SLC4A2: variants seen among roughly 807,000 people sequenced by gnomAD.
SLC4A2 encodes the protein solute carrier family 4 member 2, also known as anion exchange protein 2.
In SLC4A2, 36 loss-of-function variants were observed where a neutral mutation model predicts 115.0. That is an observed-to-expected ratio of 0.31 (90% CI 0.24 to 0.41). The LOEUF (loss-of-function observed/expected upper bound fraction) is 0.41. Among genes scored for constraint, SLC4A2 ranks in the 10% least tolerant of loss-of-function variants. The pLI is 1.00. For synonymous variants in SLC4A2, 708 were observed against 708.3 expected (o/e 1.00, Z 0.01); for missense variants, 1,252 against 1,705.6 (o/e 0.73, Z 4.68).
rs753919073 is a variant in SLC4A2 at position 151,070,466 on chromosome 7, C to G, written c.1459C>G (p.Pro487Ala). 5.6e-6 allele frequency: 9 copies of G among 1,612,050 alleles called. No individual in the cohort carries two copies. Among genetic ancestry groups the G allele is most frequent in the African/African-American group, 1.3e-5 (1 of 74,858 alleles). The change falls in exon 11 of 23, where the codon CCG (proline) becomes GCG (alanine). Residue 487 changes from proline (P) to alanine (A), a missense_variant. Pro to Ala is a conservative substitution (Grantham distance 27, BLOSUM62 -1). Transcript: ENST00000413384. ...TGTCTGTGTCCCCCAGCGTGAGCTGCCGCCTCCAGCACCACCAGCTGGCAT... is the reference window on the plus strand; with the variant it reads ...TGTCTGTGTCCCCCAGCGTGAGCTGGCGCCTCCAGCACCACCAGCTGGCAT... ...RLEVEREREL[P>A]PPAPPAGITR...
At chr7:151,066,316 G>C (rs1797229500) in intron 5 of SLC4A2, among the ~76,000 whole-genome samples, 1 of 152,254 alleles carries the variant, frequency 6.6e-6, no homozygotes, top group Non-Finnish European at 1.5e-5. Context: ...TGCACAGCCA[G>C]AAAAGGGTGG....
upstream of SLC4A2, chr7:151,059,042 T>C (rs1185451493): frequency 6.6e-6 from 1 of 152,180 alleles, no homozygotes; most frequent in East Asian, 1.9e-4. The surrounding 1 kb of genome is among the most constrained non-coding windows in gnomAD (Gnocchi z 5.8). Flanking sequence ...CACACAAAGG[T>C]CTTGAATGAT....
chr7:151,071,038 T>C lies in SLC4A2; in HGVS notation c.1750-34T>C, dbSNP rs1797417846. 1 of 1,609,342 alleles carries C rather than the reference T, an allele frequency of 6.2e-7. No individual in the cohort carries two copies. The highest frequency in any genetic ancestry group is 8.5e-7 in the Non-Finnish European group (1 of 1,177,538). ...GCTCCAGGCCCTCAGCCCTCTTCTTTGTGCTCTCCCCCATCCCCATGCTGC... is the reference window on the plus strand; with the variant it reads ...GCTCCAGGCCCTCAGCCCTCTTCTTCGTGCTCTCCCCCATCCCCATGCTGC... On this transcript the variant is annotated intron_variant, in intron 12 of 22. Transcript: ENST00000413384. This position sits in a 1 kb window ranked among gnomAD's most constrained non-coding sequence, Gnocchi z 5.5.
chr7:151,064,214 A>G lies in SLC4A2; in HGVS notation c.64A>G (p.Ser22Gly). 1 of 1,612,140 alleles carries G rather than the reference A, an allele frequency of 6.2e-7. No homozygotes were observed. The highest frequency in any genetic ancestry group is 2.2e-5 in the East Asian group (1 of 44,878). ...ADSFCTPEPE[S>G]LGPGTPGFPE... is the part of the protein sequence containing the mutation. ...TTCTTCCTCACAGCCAGAGCCAGAG[A>G]GCTTGGGCCCTGGGACGCCTGGGTT... Residue 22 changes from serine (S) to glycine (G), a missense_variant, in exon 3 of 23, where the codon AGC (serine) becomes GGC (glycine). This residue lies in a region of SLC4A2 where 74 missense variants were observed against 85.3 expected (regional missense o/e 0.87). Transcript: ENST00000413384.
chr7:151,062,601 G>A (rs1452390451), intron 2 of SLC4A2: 1 of 1,500,474 alleles, frequency 6.7e-7, no homozygotes. Context: ...GCACAGGCTG[G>A]TCCCCTCCCC....
chr7:151,062,685 C>A, intron 2 of SLC4A2: 1 of 1,501,896 alleles, frequency 6.7e-7, no homozygotes, highest in Non-Finnish European at 8.9e-7. Context: ...CTGCGACCCT[C>A]TCTCCCCATG....
At position 151,069,846 on chromosome 7, in the gene SLC4A2, C is replaced by G. The variant is rs11971721; in HGVS notation, c.1148-101C>G. ...CATGTGTAGGCTGGTGTTCCAGCCCCGGCACCCACCCACCTGTCCCCAGCT... is the reference window on the plus strand; with the variant it reads ...CATGTGTAGGCTGGTGTTCCAGCCCGGGCACCCACCCACCTGTCCCCAGCT... On this transcript the variant is annotated intron_variant, in intron 8 of 22. Coordinates refer to ENST00000413384, the MANE Select transcript of SLC4A2 (RefSeq NM_003040.4). 2.8e-6 allele frequency: 4 copies of G among 1,444,766 alleles called. No individual in the cohort carries two copies. The East Asian group carries it at 9.2e-5, about 33-fold the overall frequency. 89.5% of individuals were successfully genotyped at this position (1,444,766 alleles called of 1,614,324 possible). A position where few individuals can be genotyped will look rare whatever the true frequency, so the allele number is the denominator to read the frequency against.
chr7:151,073,981 C>T, intron 16 of SLC4A2, 58 bp from the exon 17 acceptor site: 1 of 1,507,698 alleles, frequency 6.6e-7, no homozygotes, highest in Non-Finnish European at 8.9e-7. Context: ...ACTCACTGAG[C>T]CCCAGGAATC....
chr7:151,065,794 C>T (rs1797208507), intron 5 of SLC4A2, among the ~76,000 whole-genome samples: 1 of 152,112 alleles, frequency 6.6e-6, no homozygotes, highest in Non-Finnish European at 1.5e-5. Flanking sequence ...GTTTGTGGGC[C>T]AGGGCACGTG....
At chr7:151,075,910 G>GTACCAACCCA (rs1290775190) in intron 21 of SLC4A2, 103 bp from the exon 22 acceptor site, 47 of 1,437,966 alleles carry the variant, frequency 3.3e-5, no homozygotes, top group Non-Finnish European at 4.4e-5. Context: ...ACCCAGCTCT[G>GTACCAACCCA]GCACCTAGGA....
At chr7:151,072,388 TTCA>T (rs1797471333) in intron 16 of SLC4A2, among the ~76,000 whole-genome samples, 1 of 151,844 alleles carries the variant, frequency 6.6e-6, no homozygotes, top group Admixed American at 6.6e-5. Context: ...GCCTCCTGGG[TTCA>T]AGCGATTTTC....
chr7:151,065,166 G>A (rs549939089), intron 5 of SLC4A2, among the ~76,000 whole-genome samples, 200 bp downstream of exon 5: 10 of 152,322 alleles, frequency 6.6e-5, no homozygotes, highest in African/African-American at 1.9e-4. Flanking sequence ...ATAACAGAAC[G>A]TTTCTCACTG....
chr7:151,070,811 C>T lies in SLC4A2; in HGVS notation c.1649C>T (p.Pro550Leu), dbSNP rs754521751. The T allele has an allele frequency of 4.3e-6, 7 of 1,613,996 alleles. No homozygotes were observed. The highest frequency in any genetic ancestry group is 4.5e-5 in the East Asian group (2 of 44,876). ...AVELDAVLEV[P>L]VPVRFLFLLL... ...GAGTTGGACGCAGTGTTGGAGGTGC[C>T]GGTGCCTGTGCGTTTCCTCTTCCTG... Residue 550 changes from proline to leucine, a missense_variant, in exon 12 of 23, where the codon CCG (proline) becomes CTG (leucine). Around this residue, in one of 14 missense-constraint regions of SLC4A2, gnomAD observed 87 missense variants for 170.3 expected, o/e 0.51. Transcript: ENST00000413384.
chr7:151,073,108 C>A (rs976310878), intron 16 of SLC4A2, among the ~76,000 whole-genome samples: 13 of 152,116 alleles, frequency 8.5e-5, no homozygotes, highest in Non-Finnish European at 1.8e-4. Context: ...GCGGGCCCCA[C>A]GCCTGGCTAA....
At chr7:151,059,515 CGCCCCCGCCCCG>C (rs1336379637), upstream of SLC4A2, 2 of 136,530 alleles carry the variant, frequency 1.5e-5, no homozygotes, top group South Asian at 2.3e-4. This position sits in a 1 kb window ranked among gnomAD's most constrained non-coding sequence, Gnocchi z 5.8. Flanking sequence ...CCTGGAAGCG[CGCCCCCGCCCCG>C]GCCCCCGCTC....
In SLC4A2 at chr7:151,071,372, C is replaced by T. The variant is rs767529841; in HGVS notation, c.1976-18C>T. ...GGCAAGAGGGGCTGGGGCGCCCTGACGGAGGCCTGGGTTGCAGCGCTCCTG... is the reference window on the plus strand; with the variant it reads ...GGCAAGAGGGGCTGGGGCGCCCTGATGGAGGCCTGGGTTGCAGCGCTCCTG... On this transcript the variant is annotated intron_variant, in intron 13 of 22. Transcript: ENST00000413384. This position sits in a 1 kb window ranked among gnomAD's most constrained non-coding sequence, Gnocchi z 5.5. 50 of 1,572,526 alleles carry T rather than the reference C, an allele frequency of 3.2e-5. No homozygotes were observed. Among genetic ancestry groups the T allele is most frequent in the Non-Finnish European group, 4.0e-5 (46 of 1,163,916 alleles).
In SLC4A2 at chr7:151,075,525, C is replaced by T. The variant is rs1781503681; in HGVS notation, c.3301+17C>T. 1 of 1,595,288 alleles carries T rather than the reference C, an allele frequency of 6.3e-7. No homozygotes were observed. The highest frequency in any genetic ancestry group is 1.3e-5 in the African/African-American group (1 of 74,844). On this transcript the variant is annotated intron_variant, in intron 20 of 22. Coordinates refer to ENST00000413384, the MANE Select transcript of SLC4A2 (RefSeq NM_003040.4). ...TGCTTGTGGGTACGTTGCCTCTTGC[C>T]TTTCCCTTCCCAGTGGATTCCCCAG... is the stretch of plus-strand genomic sequence containing the variant.
At chr7:151,066,802 AAGG>A (rs1277204983) in intron 6 of SLC4A2, 41 bp downstream of exon 6, 2 of 1,593,308 alleles carry the variant, frequency 1.3e-6, no homozygotes, top group African/African-American at 2.7e-5. Flanking sequence ...CTGGTGGGCA[AAGG>A]AGTGAGAGAA....
At chr7:151,065,710 C>T (rs1469556040) in intron 5 of SLC4A2, among the ~76,000 whole-genome samples, 6 of 152,206 alleles carry the variant, frequency 3.9e-5, no homozygotes, top group Non-Finnish European at 7.3e-5. Flanking sequence ...CGGGTTACAG[C>T]GGCCTTAGGG....
Sources: allele counts gnomAD v4.1 joint callset (sites outside exome capture counted in the v4.1 genomes callset), GRCh38; gene constraint gnomAD v4.1.1; regional missense constraint gnomAD v4.1.1; non-coding constraint Gnocchi (gnomAD v3.1); transcripts MANE v1.5; gene names NCBI Gene and HGNC (gene_info 2026-07-23, HGNC 2026-07-21).